The following PAG1 variants were observed in gnomAD, a reference collection of about 807,000 sequenced individuals.
PAG1 encodes the protein phosphoprotein associated with glycosphingolipid-enriched microdomains 1.
Under a neutral mutation model 31.7 loss-of-function variants are expected in PAG1, and 23 were observed. The observed-to-expected ratio is 0.73, with a 90% CI of 0.52 to 1.03. The LOEUF (loss-of-function observed/expected upper bound fraction) is 1.03. Among genes scored for constraint, PAG1 ranks in the 50% least tolerant of loss-of-function variants. The pLI is 0.00. For missense variants in PAG1, 473 were observed against 540.7 expected, an observed-to-expected ratio of 0.87 and a Z score of 1.24; for synonymous variants, 214 against 210.3, an observed-to-expected ratio of 1.02 and a Z score of -0.15.
intron 1 of PAG1, among the ~76,000 whole-genome samples, chr8:81,081,597 T>C (rs567634229): frequency 2.8e-4 from 43 of 152,284 alleles, no homozygotes; most frequent in Non-Finnish European, 5.0e-4. Flanking sequence ...ACCACATCCT[T>C]AACTCCTAGC....
chr8:81,067,286 G>T (rs1182551035), intron 2 of PAG1, among the ~76,000 whole-genome samples: 1 of 152,160 alleles, frequency 6.6e-6, no homozygotes, highest in East Asian at 1.9e-4. Flanking sequence ...TTTCTTCCTT[G>T]AGAGTATTAA....
At chr8:80,991,238 T>A (rs1807540280) in intron 5 of PAG1, among the ~76,000 whole-genome samples, 1 of 152,208 alleles carries the variant, frequency 6.6e-6, no homozygotes, top group African/African-American at 2.4e-5. Flanking sequence ...TCCTTTGTTA[T>A]GACAGCACTA....
rs1321301517 is a variant in PAG1 at position 80,971,121 on chromosome 8, T to G, written c.*5423A>C. ...TCAAGCTAATAAGAGATATTTTTGGTCTTAAAACTAAGGTTTAAAAATTCC... is the reference window on the plus strand; with the variant it reads ...TCAAGCTAATAAGAGATATTTTTGGGCTTAAAACTAAGGTTTAAAAATTCC... On this transcript the variant is annotated 3_prime_UTR_variant, in exon 9 of 9. Transcript: ENST00000220597. The G allele has an allele frequency of 6.6e-6, 1 of 152,246 alleles. No individual in the cohort carries two copies. Among genetic ancestry groups the G allele is most frequent in the Non-Finnish European group, 1.5e-5 (1 of 68,052 alleles). The allele number at this position is 152,246 out of a possible 1,614,324, so 9.4% of individuals were successfully genotyped here.
intron 4 of PAG1, 110 bp from the exon 5 acceptor site, chr8:80,991,640 G>A: frequency 2.5e-6 from 2 of 790,390 alleles, no homozygotes; most frequent in South Asian, 2.9e-5. Context: ...CTCGTTTTAA[G>A]AACCATGTTT....
intron 5 of PAG1, 95 bp downstream of exon 5, chr8:80,991,384 A>C: frequency 1.0e-6 from 1 of 961,592 alleles, no homozygotes; most frequent in Admixed American, 1.8e-5. Context: ...CGTGGGTTCT[A>C]CTCAGGCTGT....
Position 80,971,016 on chromosome 8 carries a change from T to C in PAG1, c.*5528A>G, listed in dbSNP as rs1393499096. ...GGAGACAAACTGAGGTGGGAGGAAA[T>C]AGTGACTTCATGGCCTCATTCTTTA... On this transcript the variant is annotated 3_prime_UTR_variant, in exon 9 of 9. Transcript: ENST00000220597. 6.6e-6 allele frequency: 1 copy of C among 152,400 alleles called. No individual in the cohort carries two copies. Among genetic ancestry groups the C allele is most frequent in the African/African-American group, 2.4e-5 (1 of 41,418 alleles). 9.4% of individuals were successfully genotyped at this position (152,400 alleles called of 1,614,324 possible).
chr8:81,062,305 T>G (rs1808931505), intron 2 of PAG1, among the ~76,000 whole-genome samples: 1 of 152,260 alleles, frequency 6.6e-6, no homozygotes, highest in Non-Finnish European at 1.5e-5. Flanking sequence ...TTCACACTTG[T>G]TTTCTGCAAA....
chr8:81,071,603 T>C (rs1809094145), intron 1 of PAG1, among the ~76,000 whole-genome samples: 1 of 152,190 alleles, frequency 6.6e-6, no homozygotes, highest in Non-Finnish European at 1.5e-5. Context: ...GAAACAATTA[T>C]TTTGAGAGGC....
At chr8:80,995,020 C>T (rs923046808) in intron 3 of PAG1, among the ~76,000 whole-genome samples, 5 of 152,200 alleles carry the variant, frequency 3.3e-5, no homozygotes, top group Admixed American at 6.5e-5. Context: ...GGGGTGGCTT[C>T]GCAGCAAACC....
intron 1 of PAG1, among the ~76,000 whole-genome samples, chr8:81,071,049 G>T (rs1809085631): frequency 1.5e-5 from 2 of 132,126 alleles, no homozygotes; most frequent in African/African-American, 7.5e-5. Flanking sequence ...AAAGAGAAAA[G>T]AAAGAGCTAT....
At chr8:81,069,577 AC>A (rs1586200910) in intron 2 of PAG1, among the ~76,000 whole-genome samples, 1 of 152,234 alleles carries the variant, frequency 6.6e-6, no homozygotes, top group African/African-American at 2.4e-5. Context: ...GCAGAAGATG[AC>A]CCAAGGTTAT....
In PAG1 at chr8:80,990,371, G is replaced by C. The variant is rs1304537620; in HGVS notation, c.177+1108C>G. Reference sequence around the variant, plus strand: ...CCCCTGGTCATCTCTGCAAACGTCTGCTGGCTGCGGGTTTTACGCCAGACC... The same window carrying C: ...CCCCTGGTCATCTCTGCAAACGTCTCCTGGCTGCGGGTTTTACGCCAGACC... On this transcript the variant is annotated intron_variant, in intron 5 of 8. Transcript: ENST00000220597. This position sits in a 1 kb window ranked among gnomAD's most constrained non-coding sequence, Gnocchi z 5.1. Among the ~76,000 whole-genome samples, 1 of 152,120 alleles carries C rather than the reference G, an allele frequency of 6.6e-6. No homozygotes were observed. Among genetic ancestry groups the C allele is most frequent in the Non-Finnish European group, 1.5e-5 (1 of 68,028 alleles).
At chr8:81,060,173 A>C (rs1808895009) in intron 2 of PAG1, among the ~76,000 whole-genome samples, 1 of 152,222 alleles carries the variant, frequency 6.6e-6, no homozygotes, top group African/African-American at 2.4e-5. Flanking sequence ...ATTAGTAAGA[A>C]GGCAGGGTTA....
chr8:81,062,718 T>C (rs549501839), intron 2 of PAG1, among the ~76,000 whole-genome samples: 1 of 152,186 alleles, frequency 6.6e-6, no homozygotes, highest in African/African-American at 2.4e-5. Context: ...TTTTAAGAGA[T>C]GGGGTTTCTT....
At chr8:81,035,146 C>T (rs1808442524) in intron 2 of PAG1, among the ~76,000 whole-genome samples, 3 of 152,224 alleles carry the variant, frequency 2.0e-5, no homozygotes, top group Admixed American at 2.0e-4. Context: ...CGTCCATTAC[C>T]ATCCTGGAGG....
intron 3 of PAG1, among the ~76,000 whole-genome samples, chr8:81,017,403 G>A (rs911531271): frequency 2.0e-5 from 3 of 152,152 alleles, no homozygotes; most frequent in East Asian, 1.9e-4. Context: ...TAGCAGGTGC[G>A]CTCAATAAAT....
At chr8:81,080,880 C>A (rs564771644) in intron 1 of PAG1, among the ~76,000 whole-genome samples, 2 of 152,244 alleles carry the variant, frequency 1.3e-5, no homozygotes, top group Admixed American at 1.3e-4. Context: ...AGTCTCACAG[C>A]TATGACTCTG....
At chr8:81,068,939 C>G (rs990746525) in intron 2 of PAG1, among the ~76,000 whole-genome samples, 2 of 152,168 alleles carry the variant, frequency 1.3e-5, no homozygotes, top group Middle Eastern at 3.2e-3. Context: ...GTGTGTAAGG[C>G]GAGCAGCTCT....
chr8:80,985,793 G>C (rs1563617209), intron 6 of PAG1, among the ~76,000 whole-genome samples: 1 of 152,146 alleles, frequency 6.6e-6, no homozygotes, highest in African/African-American at 2.4e-5. Flanking sequence ...CCTGTGTGGA[G>C]GGAATTATTG....
Sources: allele counts gnomAD v4.1 joint callset (sites outside exome capture counted in the v4.1 genomes callset), GRCh38; gene constraint gnomAD v4.1.1; non-coding constraint Gnocchi (gnomAD v3.1); transcripts MANE v1.5; gene names NCBI Gene and HGNC (gene_info 2026-07-23, HGNC 2026-07-21).